Variants in MEOX2 observed in about 807,000 individuals in gnomAD.
MEOX2 encodes the protein homeobox protein MOX-2.
A neutral mutation model predicts 27.0 loss-of-function variants in MEOX2; 11 were observed. The observed-to-expected ratio is 0.41, with a 90% CI of 0.26 to 0.68. The LOEUF is 0.68. MEOX2 is among the 30% of genes least tolerant of loss of function. MEOX2 has a pLI of 0.33. For synonymous variants in MEOX2, 189 were observed against 155.4 expected (o/e 1.22, Z -1.61); for missense variants, 436 against 385.4 (o/e 1.13, Z -1.10).
intron 1 of MEOX2, among the ~76,000 whole-genome samples, chr7:15,647,374 G>C (rs1387083646): frequency 6.6e-6 from 1 of 152,062 alleles, no homozygotes; most frequent in East Asian, 1.9e-4. Flanking sequence ...TAAATGGTAA[G>C]ATATTTCCAG....
chr7:15,664,237 T>C (rs1158949439), intron 1 of MEOX2, among the ~76,000 whole-genome samples: 2 of 152,220 alleles, frequency 1.3e-5, no homozygotes, highest in Non-Finnish European at 2.9e-5. Context: ...AATTTTGGGA[T>C]ATGCTTTTGG....
intron 1 of MEOX2, among the ~76,000 whole-genome samples, chr7:15,636,127 A>G (rs900216413): frequency 2.6e-5 from 4 of 151,998 alleles, no homozygotes; most frequent in African/African-American, 9.7e-5. Context: ...TAATACTTCT[A>G]AATGGATTTT....
At chr7:15,670,053 G>A (rs1230820199) in intron 1 of MEOX2, among the ~76,000 whole-genome samples, 1 of 152,044 alleles carries the variant, frequency 6.6e-6, no homozygotes, top group East Asian at 1.9e-4. Context: ...TTTATTGTTT[G>A]CTTTCCTGCT....
chr7:15,648,924 C>T (rs1457990107), intron 1 of MEOX2, among the ~76,000 whole-genome samples: 1 of 152,016 alleles, frequency 6.6e-6, no homozygotes, highest in Non-Finnish European at 1.5e-5. Flanking sequence ...GCAGAAATGC[C>T]TCACTCCATA....
At chr7:15,666,660 G>T (rs1379273872) in intron 1 of MEOX2, among the ~76,000 whole-genome samples, 1 of 147,406 alleles carries the variant, frequency 6.8e-6, no homozygotes, top group African/African-American at 2.5e-5. Flanking sequence ...GCTGAGGCAG[G>T]AGAATTGCTT....
chr7:15,641,381 GTTTGT>G (rs1781558455), intron 1 of MEOX2, among the ~76,000 whole-genome samples: 2 of 151,916 alleles, frequency 1.3e-5, no homozygotes, highest in Non-Finnish European at 2.9e-5. Flanking sequence ...TTGTTTGTTT[GTTTGT>G]TTTAACTGTT....
chr7:15,631,091 C>T (rs1329747595), intron 1 of MEOX2, among the ~76,000 whole-genome samples: 1 of 151,798 alleles, frequency 6.6e-6, no homozygotes, highest in Non-Finnish European at 1.5e-5. Context: ...ATAGGATAGC[C>T]AGAAAACATC....
chr7:15,633,367 G>A (rs556570754), intron 1 of MEOX2, among the ~76,000 whole-genome samples: 2 of 151,852 alleles, frequency 1.3e-5, no homozygotes, highest in Non-Finnish European at 2.9e-5. Context: ...GATGGGGAGG[G>A]AAAGAAACTA....
chr7:15,665,624 G>C (rs55835057), intron 1 of MEOX2, among the ~76,000 whole-genome samples: 3,825 of 152,180 alleles, frequency 0.025, 161 homozygotes, highest in African/African-American at 0.087. Flanking sequence ...ATATCATGCA[G>C]GTCAGATACT....
At chr7:15,631,936 A>AG (rs930992281) in intron 1 of MEOX2, among the ~76,000 whole-genome samples, 2 of 21,624 alleles carry the variant, frequency 9.2e-5, no homozygotes, top group African/African-American at 3.9e-4. Context: ...GTGTGTGGAG[A>AG]GAAAGAGAGA....
intron 1 of MEOX2, among the ~76,000 whole-genome samples, chr7:15,634,507 A>G (rs1197304197): frequency 2.0e-5 from 3 of 152,040 alleles, no homozygotes; most frequent in Non-Finnish European, 4.4e-5. Flanking sequence ...TTATTGTTGT[A>G]TGAAAATTCT....
chr7:15,622,399 T>C (rs989260215), intron 2 of MEOX2, among the ~76,000 whole-genome samples: 1 of 152,156 alleles, frequency 6.6e-6, no homozygotes, highest in Non-Finnish European at 1.5e-5. Flanking sequence ...ATAAGTCCTG[T>C]CTTTGCATTT....
In MEOX2 at chr7:15,676,794, G is replaced by A. The variant is rs1019080894; in HGVS notation, c.517+9092C>T. Among the ~76,000 whole-genome samples, 10 of 151,708 alleles carry A rather than the reference G, an allele frequency of 6.6e-5. No individual in the cohort carries two copies. The East Asian group carries it at 7.8e-4, about 12-fold the overall frequency. On this transcript the variant is annotated intron_variant, in intron 1 of 2. Coordinates refer to ENST00000262041, the MANE Select transcript of MEOX2 (RefSeq NM_005924.5). The stretch of plus-strand genomic sequence containing the variant: ...AATCACTTGAACCCGGACAGCAGAG[G>A]TTGCAGTGAGTCAAGATTGCGCCAC...
intron 2 of MEOX2, among the ~76,000 whole-genome samples, chr7:15,618,140 T>C (rs1207588693): frequency 6.6e-6 from 1 of 152,014 alleles, no homozygotes; most frequent in Non-Finnish European, 1.5e-5. Flanking sequence ...TAGTAAACCA[T>C]TGTTTTCCTT....
chr7:15,616,040 G>T lies in MEOX2; in HGVS notation c.691-3429C>A, dbSNP rs189066517. Among the ~76,000 whole-genome samples the T allele has an allele frequency of 1.5e-4, 23 of 151,630 alleles. No homozygotes were observed. The South Asian group carries it at 4.8e-3, about 31-fold the overall frequency. ...TTTTGTGTTGTTTTCTATGTCTATC[G>T]TTGAAATTTTACCATTTTATTTTTT... is the stretch of plus-strand genomic sequence containing the variant. On this transcript the variant is annotated intron_variant, in intron 2 of 2. Transcript: ENST00000262041.
At chr7:15,627,333 G>A (rs768478324) in intron 1 of MEOX2, among the ~76,000 whole-genome samples, 1 of 151,994 alleles carries the variant, frequency 6.6e-6, no homozygotes, top group African/African-American at 2.4e-5. Context: ...CAATATAGGA[G>A]TATTTGAGAA....
At chr7:15,676,359 A>G (rs1459872294) in intron 1 of MEOX2, among the ~76,000 whole-genome samples, 1 of 152,174 alleles carries the variant, frequency 6.6e-6, no homozygotes, top group Non-Finnish European at 1.5e-5. Flanking sequence ...TGCCATTCCT[A>G]AGGGTCTGCA....
intron 1 of MEOX2, among the ~76,000 whole-genome samples, chr7:15,685,517 G>T (rs116718232): frequency 0.018 from 2,809 of 152,292 alleles, 87 homozygotes; most frequent in African/African-American, 0.065. Context: ...GCACCCGCAC[G>T]CACGCCTGCC....
chr7:15,669,636 C>T (rs1428571152), intron 1 of MEOX2, among the ~76,000 whole-genome samples: 2 of 152,204 alleles, frequency 1.3e-5, no homozygotes, highest in Admixed American at 6.5e-5. Flanking sequence ...TGTATGGCCA[C>T]GGCCAAACAG....
Sources: gnomAD v4.1 joint callset for allele counts (sites outside exome capture counted in the v4.1 genomes callset) on GRCh38, gnomAD v4.1.1 for gene constraint, MANE v1.5 for transcripts, NCBI Gene and HGNC (gene_info 2026-07-23, HGNC 2026-07-21) for gene names.